Variants in SCAF8 observed in about 807,000 individuals in gnomAD.
SCAF8 encodes the protein SR-related and CTD-associated factor 8.
In SCAF8, 23 loss-of-function variants were observed where a neutral mutation model predicts 140.5. The observed-to-expected ratio is 0.16, with a 90% confidence interval of 0.12 to 0.23. The LOEUF is 0.23. SCAF8 is among the 10% of genes least tolerant of loss of function. The pLI is 1.00. For missense variants in SCAF8, 1,397 were observed against 1,555.7 expected (o/e 0.90, Z 1.72); for synonymous variants, 575 against 528.9 (o/e 1.09, Z -1.20).
At chr6:154,766,874 A>G (rs1473619218) in intron 1 of SCAF8, among the ~76,000 whole-genome samples, 5 of 151,830 alleles carry the variant, frequency 3.3e-5, no homozygotes, top group Admixed American at 1.3e-4. Context: ...ATGATGTTCT[A>G]TTGGGGTTCT....
Position 154,765,988 on chromosome 6 carries a change from A to G in SCAF8, c.31-8001A>G, listed in dbSNP as rs751247380. ...AACTAATAATAGACTACTGTTGACC[A>G]GTAACCTTACCAATAACATAAACAG... On this transcript the variant is annotated intron_variant, in intron 1 of 19. Transcript: ENST00000367178. Among the ~76,000 whole-genome samples the G allele has an allele frequency of 4.6e-5, 7 of 152,270 alleles. No homozygotes were observed. The East Asian group carries it at 7.7e-4, about 17-fold the overall frequency.
At chr6:154,800,125 G>C (rs7740797) in intron 6 of SCAF8, among the ~76,000 whole-genome samples, 93,564 of 150,956 alleles carry the variant, frequency 0.62, 32,336 homozygotes, top group East Asian at 0.91. Flanking sequence ...ACCTGTCATT[G>C]TTTACACTCC....
At chr6:154,756,478 G>T (rs1778969099) in intron 1 of SCAF8, among the ~76,000 whole-genome samples, 1 of 152,170 alleles carries the variant, frequency 6.6e-6, no homozygotes. Flanking sequence ...TATAGTGCTG[G>T]TGTTCAGTAG....
chr6:154,748,896 TA>T (rs1381821762), intron 1 of SCAF8, among the ~76,000 whole-genome samples: 1 of 152,248 alleles, frequency 6.6e-6, no homozygotes, highest in African/African-American at 2.4e-5. Flanking sequence ...CTTAGAGCTG[TA>T]ACAGTTTATT....
At chr6:154,790,121 A>G (rs1183511223) in intron 4 of SCAF8, among the ~76,000 whole-genome samples, 1 of 152,196 alleles carries the variant, frequency 6.6e-6, no homozygotes, top group Non-Finnish European at 1.5e-5. Flanking sequence ...GTAGATTAAC[A>G]TTGTAATCTC....
chr6:154,830,848 C>T, intron 18 of SCAF8, 74 bp from the exon 19 acceptor site: 2 of 1,106,644 alleles, frequency 1.8e-6, no homozygotes, highest in African/African-American at 1.5e-5. Flanking sequence ...AAATTAAATA[C>T]TCAGACTGCC....
rs754810889 is a variant in SCAF8, at chr6:154,832,949, C to T, written c.3370C>T (p.Arg1124Trp). The stretch of plus-strand genomic sequence containing the variant: ...CTTACATGAAGAAAGAGGTAGATTT[C>T]GGTCTGGAAACTATCGATTTGATCC... ...KGLHEERGRF[R>W]SGNYRFDPRS... The change falls in exon 20 of 20, where the codon CGG becomes TGG. Residue 1124 changes from arginine to tryptophan, a missense_variant. Transcript: ENST00000367178. 25 of 1,614,050 alleles carry T rather than the reference C, an allele frequency of 1.5e-5. No homozygotes were observed. The highest frequency in any genetic ancestry group is 1.6e-4 in the Middle Eastern group (1 of 6,062).
intron 3 of SCAF8, among the ~76,000 whole-genome samples, chr6:154,782,243 C>T (rs1048776789): frequency 3.0e-4 from 46 of 152,052 alleles, no homozygotes; most frequent in African/African-American, 1.0e-3. Context: ...CCTGTCCCAG[C>T]CTAAAAACTA....
Position 154,810,044 on chromosome 6 carries a change from G to C in SCAF8, c.1256G>C (p.Arg419Pro). The C allele has an allele frequency of 1.2e-6, 2 of 1,609,018 alleles. No homozygotes were observed. Among genetic ancestry groups the C allele is most frequent in the Non-Finnish European group, 1.7e-6 (2 of 1,178,690 alleles). Residue 419 changes from arginine (R) to proline (P), a missense_variant, in exon 12 of 20, where the codon CGG (arginine) becomes CCG (proline). Arg to Pro is a moderately radical substitution (Grantham distance 103). Transcript: ENST00000367178. The part of the protein sequence containing the change: ...RSPRKRRSRS[R>P]SGSRKRKHRK... ...CCAAGAAAACGAAGGTCTAGGTCAC[G>C]GTCTGGCTCTAGAAAGCGTAAACAC...
intron 13 of SCAF8, among the ~76,000 whole-genome samples, chr6:154,816,239 T>C (rs1312210350): frequency 6.6e-6 from 1 of 152,194 alleles, no homozygotes; most frequent in Non-Finnish European, 1.5e-5. Flanking sequence ...CAGTTTCTTT[T>C]GCCTTTTTCT....
chr6:154,790,432 C>T (rs187249531), intron 4 of SCAF8, among the ~76,000 whole-genome samples: 1 of 148,644 alleles, frequency 6.7e-6, no homozygotes, highest in South Asian at 2.1e-4. Context: ...AAAGTTGAAC[C>T]AGATCTTTAT....
intron 3 of SCAF8, among the ~76,000 whole-genome samples, chr6:154,779,775 GTGTGTGTATATATA>G (rs1234901886): frequency 2.2e-5 from 2 of 91,834 alleles, no homozygotes; most frequent in African/African-American, 1.4e-4. Flanking sequence ...GTGTGTGTGT[GTGTGTGTATATATA>G]TATATATATA....
chr6:154,803,222 G>C (rs1442671925), intron 7 of SCAF8, among the ~76,000 whole-genome samples: 3 of 151,998 alleles, frequency 2.0e-5, no homozygotes, highest in Non-Finnish European at 4.4e-5. Flanking sequence ...CATTGAATAT[G>C]GCCCTAGATG....
In SCAF8 at chr6:154,820,332, T is replaced by C. The variant is rs116816215; in HGVS notation, c.1791T>C (p.Thr597=). 572 of 1,600,956 alleles carry C rather than the reference T, an allele frequency of 3.6e-4. 2 individuals carry two copies. The African/African-American group carries it at 6.6e-3, about 18-fold the overall frequency. ...TGATTGATCAGGAGACTGTAAATAC[T>C]GGTAAGAATTCTAAGGTCTTTTTAT... ...GGMIDQETVN[T]EWETVKSSEP... Residue 597 remains threonine (T), a splice_region_variant and synonymous_variant, in exon 15 of 20, where the codon ACT becomes ACC. Coordinates refer to ENST00000367178, the MANE Select transcript of SCAF8 (RefSeq NM_014892.5).
chr6:154,819,065 C>T (rs772040043), intron 14 of SCAF8, among the ~76,000 whole-genome samples: 2 of 142,498 alleles, frequency 1.4e-5, no homozygotes, highest in Non-Finnish European at 3.0e-5. Context: ...TATTTTCTTC[C>T]TAATCTTTAT....
At chr6:154,744,009 A>G (rs927789988) in intron 1 of SCAF8, among the ~76,000 whole-genome samples, 1 of 152,186 alleles carries the variant, frequency 6.6e-6, no homozygotes, top group Non-Finnish European at 1.5e-5. Flanking sequence ...GAAATTAACC[A>G]CTTTACTGGG....
rs1777611163 is a variant in SCAF8, at chr6:154,796,397, C to CTGTCTG, written c.606+1259_606+1260insGTCTGT. On this transcript the variant is annotated intron_variant, in intron 6 of 19. Transcript: ENST00000367178. ...TCTCTCTCTCTCTCTCTCTCTGTCT[C>CTGTCTG]TCTCTTTTTCTGACCCTCAAATTCA... Among the ~76,000 whole-genome samples, 5 of 141,222 alleles carry CTGTCTG rather than the reference C, an allele frequency of 3.5e-5. No homozygotes were observed. In the South Asian group the frequency reaches 7.1e-4, roughly 20 times the overall value. 92.6% of individuals were successfully genotyped at this position (141,222 alleles called of 152,430 possible). A position where few individuals can be genotyped will look rare whatever the true frequency, so the allele number is the denominator to read the frequency against.
intron 9 of SCAF8, among the ~76,000 whole-genome samples, chr6:154,805,974 T>A (rs992400179): frequency 6.6e-6 from 1 of 152,184 alleles, no homozygotes; most frequent in Non-Finnish European, 1.5e-5. Context: ...TGTGGTAGGC[T>A]TGTATACATT....
rs540481870 is a variant in SCAF8, at chr6:154,774,883, C to T, written c.114+811C>T. On this transcript the variant is annotated intron_variant, in intron 2 of 19. Transcript: ENST00000367178. ...TTTTCAAGCTCAGCCATAGATTTTTCCCCGAGAAGTTCTTGTCCCCTAGGC... is the reference window on the plus strand; with the variant it reads ...TTTTCAAGCTCAGCCATAGATTTTTTCCCGAGAAGTTCTTGTCCCCTAGGC... 6.6e-5 allele frequency among the ~76,000 whole-genome samples: 10 copies of T among 152,168 alleles called. No individual in the cohort carries two copies. In the South Asian group the frequency reaches 1.9e-3, roughly 28 times the overall value.
Sources: gnomAD v4.1 joint callset for allele counts (sites outside exome capture counted in the v4.1 genomes callset) on GRCh38, gnomAD v4.1.1 for gene constraint, MANE v1.5 for transcripts, NCBI Gene and HGNC (gene_info 2026-07-23, HGNC 2026-07-21) for gene names.